The following F7 variants were observed in gnomAD, a reference collection of about 807,000 sequenced individuals.
The protein encoded by F7 is FVII coagulation protein.
A neutral mutation model predicts 47.5 loss-of-function variants in F7; 38 were observed. The ratio of observed to expected loss-of-function variants is 0.80; its 90% confidence interval spans 0.62 to 1.05. The LOEUF (loss-of-function observed/expected upper bound fraction) is 1.05, where lower values mean the gene tolerates loss of function less well. Ranked by LOEUF, F7 falls within the 50% of genes least tolerant of loss-of-function variation. The probability of loss-of-function intolerance (pLI) is 0.00; values close to 1 mark genes in which losing one functional copy is unlikely to be tolerated. For synonymous variants in F7, 244 were observed against 258.5 expected, an observed-to-expected ratio of 0.94 and a Z score of 0.54; for missense variants, 575 against 605.4, an observed-to-expected ratio of 0.95 and a Z score of 0.53.
chr13:113,115,880 G>A, intron 5 of F7, 80 bp downstream of exon 5: 2 of 1,591,334 alleles, frequency 1.3e-6, no homozygotes. Context: ...CAAAAGACGG[G>A]TGGGAGTGGC....
At chr13:113,112,192 A>G (rs1355833450) in intron 2 of F7, among the ~76,000 whole-genome samples, 5 of 143,090 alleles carry the variant, frequency 3.5e-5, no homozygotes, top group African/African-American at 1.3e-4. Context: ...CCTCACACCC[A>G]CAGGACACCT....
intron 1 of F7, among the ~76,000 whole-genome samples, chr13:113,109,244 C>G (rs1173584623): frequency 1.3e-5 from 2 of 150,818 alleles, no homozygotes; most frequent in African/African-American, 4.9e-5. Flanking sequence ...GTGGGTGTCC[C>G]GGGGGTCGTG....
rs1049777431 is a variant in F7 at position 113,110,679 on chromosome 13, G to T, written c.65-11G>T. 3 of 1,547,880 alleles carry T rather than the reference G, an allele frequency of 1.9e-6. No individual in the cohort carries two copies. Among genetic ancestry groups the T allele is most frequent in the Admixed American group, 2.0e-5 (1 of 50,962 alleles). On this transcript the variant is annotated splice_polypyrimidine_tract_variant and intron_variant, in intron 1 of 7. Transcript: ENST00000346342. The stretch of plus-strand genomic sequence containing the variant: ...ACGCGGTGGGCGCTTCACGGAACTC[G>T]CATTTCCCAGTCTTCGTAACCCAGG...
At chr13:113,117,332 C>T in intron 6 of F7, 141 bp from the exon 7 acceptor site, 1 of 1,389,304 alleles carries the variant, frequency 7.2e-7, no homozygotes, top group Non-Finnish European at 9.8e-7. Flanking sequence ...GCAGCTTTGC[C>T]TGGGAGGGAT....
chr13:113,110,948 GGCGGCGAACACGCA>G, intron 2 of F7, 98 bp downstream of exon 2: 1 of 1,378,556 alleles, frequency 7.3e-7, no homozygotes. Flanking sequence ...TGCGGCTGTG[GGCGGCGAACACGCA>G]GCGGCGCCCG....
Position 113,115,759 on chromosome 13 carries a change from G to A in F7, c.464G>A (p.Gly155Glu), listed in dbSNP as rs1304417217. 2.5e-6 allele frequency: 4 copies of A among 1,613,154 alleles called. No homozygotes were observed. The highest frequency in any genetic ancestry group is 1.3e-5 in the African/African-American group (1 of 74,936). Residue 155 changes from glycine (G) to glutamate (E), a missense_variant, in exon 5 of 8, where the codon GGG (glycine) becomes GAG (glutamate). Physicochemically the swap from Gly to Glu is moderately conservative, Grantham distance 98 (BLOSUM62 -2). Transcript: ENST00000346342. ...GTKRSCRCHE[G>E]YSLLADGVSC... ...AAGCGCTCCTGTCGGTGCCACGAGG[G>A]GTACTCTCTGCTGGCAGACGGGGTG...
chr13:113,109,921 G>A (rs1430992288), intron 1 of F7, among the ~76,000 whole-genome samples: 1 of 152,240 alleles, frequency 6.6e-6, no homozygotes, highest in African/African-American at 2.4e-5. Context: ...CGCCCTGGGC[G>A]TCTCTGGCCC....
At chr13:113,108,433 A>T (rs371980950) in intron 1 of F7, among the ~76,000 whole-genome samples, 2 of 5,056 alleles carry the variant, frequency 4.0e-4, no homozygotes, top group African/African-American at 9.8e-4. Flanking sequence ...GTCCCGGGGG[A>T]GTGGGTGTCC....
At chr13:113,106,279 G>A (rs868692629) in intron 1 of F7, among the ~76,000 whole-genome samples, 45 of 113,430 alleles carry the variant, frequency 4.0e-4, no homozygotes, top group African/African-American at 1.4e-3. Flanking sequence ...GGGACGGTGC[G>A]TGGGGGATGG....
chr13:113,113,717 T>C lies in F7; in HGVS notation c.226-35T>C, dbSNP rs749949352. ...TTACCGTTGGGTGCTCTGGTGAAGG[T>C]GCATCTCACGAGGCTTGCTCTCTTG... On this transcript the variant is annotated intron_variant, in intron 2 of 7. Coordinates refer to ENST00000346342, the MANE Select transcript of F7 (RefSeq NM_019616.4). This position sits in a 1 kb window ranked among gnomAD's most constrained non-coding sequence, Gnocchi z 4.1. The C allele has an allele frequency of 6.9e-6, 11 of 1,601,194 alleles. No individual in the cohort carries two copies. The African/African-American group carries it at 1.3e-4, about 19-fold the overall frequency.
chr13:113,111,941 CCACAGGACACCTCACAGAGGTCACCTCA>C (rs2036105796), intron 2 of F7, among the ~76,000 whole-genome samples: 1 of 142,992 alleles, frequency 7.0e-6, no homozygotes, highest in Non-Finnish European at 1.5e-5. Flanking sequence ...CACCTCACAC[CCACAGGACACCTCACAGAGGTCACCTCA>C]CACAGGACAC....
chr13:113,114,906 A>G (rs1156993727), intron 4 of F7: 1 of 153,010 alleles, frequency 6.5e-6, no homozygotes, highest in African/African-American at 2.4e-5. Flanking sequence ...CCAAGACCAC[A>G]TTCTTACACT....
intron 1 of F7, chr13:113,110,463 ATC>A: frequency 1.9e-6 from 1 of 519,110 alleles, no homozygotes. Context: ...CGCCCTCGGG[ATC>A]AGCCCCCGGA....
At chr13:113,111,413 G>A (rs2036091944) in intron 2 of F7, among the ~76,000 whole-genome samples, 1 of 82,662 alleles carries the variant, frequency 1.2e-5, no homozygotes, top group South Asian at 3.6e-4. Context: ...ACACTCACAG[G>A]ACACCTCACA....
At chr13:113,107,325 AGTGTGGGTGTCCCGGG>A (rs2035983983) in intron 1 of F7, among the ~76,000 whole-genome samples, 1 of 42,902 alleles carries the variant, frequency 2.3e-5, no homozygotes, top group Non-Finnish European at 4.5e-5. Flanking sequence ...GTGTCCCGGG[AGTGTGGGTGTCCCGGG>A]GGCGTGGGTG....
rs1395436526 is a variant in F7, at chr13:113,114,452, G to A, written c.364+492G>A. The A allele has an allele frequency of 3.8e-5, 8 of 208,304 alleles. No homozygotes were observed. The East Asian group carries it at 7.0e-4, about 18-fold the overall frequency. 12.9% of individuals were successfully genotyped at this position (208,304 alleles called of 1,614,324 possible). On this transcript the variant is annotated intron_variant, in intron 4 of 7. Transcript: ENST00000346342. The stretch of plus-strand genomic sequence containing the variant: ...TCCACTGAAGTGGATACACTCACAG[G>A]TACCGTTTATTACAGCAAAGGATGC...
At chr13:113,108,786 A>G (rs866910330) in intron 1 of F7, among the ~76,000 whole-genome samples, 320 of 21,314 alleles carry the variant, frequency 0.015, 2 homozygotes, top group East Asian at 0.056. Flanking sequence ...TGGGTGTCCC[A>G]GGGGTGTGGG....
In F7 at chr13:113,114,001, G is replaced by A. The variant is rs1230388081; in HGVS notation, c.364+41G>A. 1.9e-6 allele frequency: 3 copies of A among 1,609,602 alleles called. No individual in the cohort carries two copies. In the South Asian group the frequency reaches 3.3e-5, roughly 18 times the overall value. The stretch of plus-strand genomic sequence containing the variant: ...GGGTCCCATATTTGCAGAGGGCCCT[G>A]GGGAGCTGGTGGAGGTGGCCTGGCC... On this transcript the variant is annotated intron_variant, in intron 4 of 7. Transcript: ENST00000346342.
rs1201595856 is a variant in F7 at position 113,113,623 on chromosome 13, G to A, written c.226-129G>A. The A allele has an allele frequency of 8.7e-6, 8 of 919,124 alleles. No individual in the cohort carries two copies. In the East Asian group the frequency reaches 1.9e-4, roughly 22 times the overall value. 56.9% of individuals were successfully genotyped at this position (919,124 alleles called of 1,614,324 possible). Reference sequence around the variant, plus strand: ...TACCTCAGCTCCAGAGGAAAGTCTGGCTTCCTGAGCCCACCCCGCCAGACC... The same window carrying A: ...TACCTCAGCTCCAGAGGAAAGTCTGACTTCCTGAGCCCACCCCGCCAGACC... On this transcript the variant is annotated intron_variant, in intron 2 of 7. Transcript: ENST00000346342. The surrounding 1 kb of genome is among the most constrained non-coding windows in gnomAD (Gnocchi z 4.1).
Sources: allele counts gnomAD v4.1 joint callset (sites outside exome capture counted in the v4.1 genomes callset), GRCh38; gene constraint gnomAD v4.1.1; non-coding constraint Gnocchi (gnomAD v3.1); transcripts MANE v1.5; gene names NCBI Gene and HGNC (gene_info 2026-07-23, HGNC 2026-07-21).